The following PRTFDC1 variants were observed in gnomAD, a reference collection of about 807,000 sequenced individuals.
PRTFDC1 encodes phosphoribosyl transferase domain containing 1.
PRTFDC1 carries 38 observed loss-of-function variants against 34.6 expected under a neutral mutation model. The observed-to-expected ratio is 1.10, with a 90% CI of 0.85 to 1.44. The LOEUF (loss-of-function observed/expected upper bound fraction) is 1.44, where lower values mean the gene tolerates loss of function less well. Among genes scored for constraint, PRTFDC1 ranks in the 40% most tolerant of loss-of-function variants. The pLI is 0.00. For missense variants in PRTFDC1, 270 were observed against 283.0 expected (o/e 0.95, Z 0.33); for synonymous variants, 93 against 98.1 (o/e 0.95, Z 0.31).
chr10:24,850,276 C>A (rs1247098011), intron 8 of PRTFDC1, among the ~76,000 whole-genome samples: 1 of 152,056 alleles, frequency 6.6e-6, no homozygotes, highest in Non-Finnish European at 1.5e-5. Flanking sequence ...GGGCAACAAG[C>A]AAAGGGTTAG....
At position 24,848,940 on chromosome 10, in the gene PRTFDC1, C is replaced by T. The variant is rs1259322416; in HGVS notation, c.*904G>A. On this transcript the variant is annotated 3_prime_UTR_variant, in exon 9 of 9. Coordinates refer to ENST00000320152, the MANE Select transcript of PRTFDC1 (RefSeq NM_020200.7). ...TAAAGATATTTTTTAAAAAATTCAA[C>T]CTCTGTCTTCACATTTAGGACAGGG... 2.6e-5 allele frequency: 4 copies of T among 152,180 alleles called. No individual in the cohort carries two copies. Among genetic ancestry groups the T allele is most frequent in the African/African-American group, 4.8e-5 (2 of 41,452 alleles). 9.4% of individuals were successfully genotyped at this position (152,180 alleles called of 1,614,324 possible).
At chr10:24,942,150 G>A (rs141203745) in intron 2 of PRTFDC1, among the ~76,000 whole-genome samples, 180 bp downstream of exon 2, 1 of 152,308 alleles carries the variant, frequency 6.6e-6, no homozygotes, top group Non-Finnish European at 1.5e-5. Flanking sequence ...AAATGTCCAG[G>A]TAAACCATTC....
At chr10:24,859,333 C>T (rs1399162942) in intron 4 of PRTFDC1, among the ~76,000 whole-genome samples, 1 of 152,184 alleles carries the variant, frequency 6.6e-6, no homozygotes, top group Non-Finnish European at 1.5e-5. Flanking sequence ...TATCTCCGTT[C>T]ACTGTAACCT....
chr10:24,851,193 C>T (rs868432153), intron 8 of PRTFDC1, among the ~76,000 whole-genome samples, 195 bp downstream of exon 8: 1 of 152,128 alleles, frequency 6.6e-6, no homozygotes, highest in South Asian at 2.1e-4. Context: ...TCATAATTTG[C>T]CTCTATCATC....
At chr10:24,903,959 G>A (rs72780360) in intron 3 of PRTFDC1, among the ~76,000 whole-genome samples, 155 of 152,076 alleles carry the variant, frequency 1.0e-3, no homozygotes, top group African/African-American at 2.7e-3. Flanking sequence ...AAAGGGCTGG[G>A]ATTACAGCTG....
chr10:24,906,903 T>C (rs1196845961), intron 3 of PRTFDC1, among the ~76,000 whole-genome samples: 3 of 152,236 alleles, frequency 2.0e-5, no homozygotes, highest in African/African-American at 7.2e-5. Context: ...GGCACTGTTA[T>C]TGGCTTTACT....
intron 4 of PRTFDC1, chr10:24,868,214 T>G (rs1847817752): frequency 6.6e-6 from 1 of 152,534 alleles, no homozygotes; most frequent in Admixed American, 6.5e-5. Context: ...GGGGGGCCCT[T>G]GCTCTCTTTT....
chr10:24,951,494 A>G (rs939965907), intron 1 of PRTFDC1: 2 of 924,658 alleles, frequency 2.2e-6, no homozygotes, highest in Middle Eastern at 5.5e-4. Context: ...TGAGCCCCAC[A>G]TTTCAACCTG....
rs1286886749 is a variant in PRTFDC1, at chr10:24,908,486, C to G, written c.339+28698G>C. On this transcript the variant is annotated intron_variant, in intron 3 of 8. Coordinates refer to ENST00000320152, the MANE Select transcript of PRTFDC1 (RefSeq NM_020200.7). ...GAATGGTCCAGGTGCTACTGTACAC[C>G]TCACTGGATCTCAGACCTAATTCTG... The G allele has an allele frequency of 1.9e-6, 3 of 1,610,272 alleles. No individual in the cohort carries two copies. The African/African-American group carries it at 4.0e-5, about 21-fold the overall frequency.
intron 3 of PRTFDC1, among the ~76,000 whole-genome samples, chr10:24,926,334 C>T (rs1351571441): frequency 6.6e-6 from 1 of 152,224 alleles, no homozygotes; most frequent in Non-Finnish European, 1.5e-5. Context: ...CACAAGTGGG[C>T]TGATACTGGC....
intron 1 of PRTFDC1, among the ~76,000 whole-genome samples, chr10:24,949,721 T>C (rs555509892): frequency 1.6e-4 from 18 of 113,322 alleles, no homozygotes; most frequent in Non-Finnish European, 2.4e-4. Context: ...TTTTGTTTAT[T>C]TATTTATTTA....
At position 24,952,410 on chromosome 10, in the gene PRTFDC1, G is replaced by A; in HGVS notation, c.48+118C>T. Reference sequence around the variant, plus strand: ...GATGGAAGCGATCCCCGCCGGGAGGGAGAACAAAGCGGTGGCCCTCTCTCT... The same window carrying A: ...GATGGAAGCGATCCCCGCCGGGAGGAAGAACAAAGCGGTGGCCCTCTCTCT... On this transcript the variant is annotated intron_variant, in intron 1 of 8. Coordinates refer to ENST00000320152, the MANE Select transcript of PRTFDC1 (RefSeq NM_020200.7). The surrounding 1 kb of genome is among the most constrained non-coding windows in gnomAD (Gnocchi z 5.1). 2 of 1,200,008 alleles carry A rather than the reference G, an allele frequency of 1.7e-6. No homozygotes were observed. Among genetic ancestry groups the A allele is most frequent in the Non-Finnish European group, 2.4e-6 (2 of 835,290 alleles). The allele number at this position is 1,200,008 out of a possible 1,614,324, so 74.3% of individuals were successfully genotyped here. A position where few individuals can be genotyped will look rare whatever the true frequency, so the allele number is the denominator to read the frequency against.
At position 24,905,385 on chromosome 10, in the gene PRTFDC1, G is replaced by A. The variant is rs544848231; in HGVS notation, c.339+31799C>T. Among the ~76,000 whole-genome samples the A allele has an allele frequency of 2.0e-3, 277 of 138,028 alleles. 1 individual carries two copies. The highest frequency in any genetic ancestry group is 3.5e-3 in the Non-Finnish European group (229 of 66,108). 90.6% of individuals were successfully genotyped at this position (138,028 alleles called of 152,430 possible). A position where few individuals can be genotyped will look rare whatever the true frequency, so the allele number is the denominator to read the frequency against. On this transcript the variant is annotated intron_variant, in intron 3 of 8. Transcript: ENST00000320152. The stretch of plus-strand genomic sequence containing the variant: ...TCGCCAGGATGGAGTGCAGTGACAC[G>A]ATCTCGGCTCACTGCAACCTCCGAC...
intron 3 of PRTFDC1, among the ~76,000 whole-genome samples, chr10:24,912,317 T>TC (rs1848639500): frequency 6.7e-6 from 1 of 148,644 alleles, no homozygotes; most frequent in East Asian, 1.9e-4. Context: ...CTGAAGAGTT[T>TC]TTTTTTTTTT....
intron 3 of PRTFDC1, among the ~76,000 whole-genome samples, chr10:24,898,794 A>G (rs1848408424): frequency 6.6e-6 from 1 of 152,186 alleles, no homozygotes; most frequent in Non-Finnish European, 1.5e-5. Context: ...TGTATGAGAA[A>G]TTGCTAAGAA....
intron 3 of PRTFDC1, among the ~76,000 whole-genome samples, chr10:24,902,529 A>G (rs542456962): frequency 2.6e-5 from 4 of 152,356 alleles, no homozygotes; most frequent in Admixed American, 2.6e-4. Context: ...GGAGTACATC[A>G]GAACCAAGAC....
intron 3 of PRTFDC1, chr10:24,908,416 A>T: frequency 6.6e-7 from 1 of 1,507,086 alleles, no homozygotes; most frequent in Non-Finnish European, 8.9e-7. Context: ...CAGTTTCTTC[A>T]TGAAGACTGT....
intron 1 of PRTFDC1, among the ~76,000 whole-genome samples, chr10:24,947,587 C>T (rs1849269657): frequency 6.6e-6 from 1 of 152,086 alleles, no homozygotes; most frequent in African/African-American, 2.4e-5. Context: ...TTCTCTTTTT[C>T]GCACTGAAGA....
intron 6 of PRTFDC1, among the ~76,000 whole-genome samples, chr10:24,855,639 A>T (rs574969568): frequency 1.3e-5 from 2 of 152,070 alleles, no homozygotes; most frequent in South Asian, 2.1e-4. Context: ...ACAAAAAATT[A>T]AAAAATTTAG....
Sources: gnomAD v4.1 joint callset for allele counts (sites outside exome capture counted in the v4.1 genomes callset) on GRCh38, gnomAD v4.1.1 for gene constraint, Gnocchi (gnomAD v3.1) non-coding constraint, MANE v1.5 for transcripts, NCBI Gene and HGNC (gene_info 2026-07-23, HGNC 2026-07-21) for gene names.